The following MID1 variants were observed in gnomAD, a reference collection of about 807,000 sequenced individuals.
MID1 encodes midline 1.
In MID1, 7 loss-of-function variants were observed where a neutral mutation model predicts 40.4. The observed-to-expected ratio is 0.17, with a 90% CI of 0.10 to 0.33. MID1 has a LOEUF of 0.33. MID1 is among the 10% of genes least tolerant of loss of function. The pLI, the probability that MID1 is intolerant of heterozygous loss-of-function variation, is 1.00. For missense variants in MID1, 367 were observed against 558.5 expected (o/e 0.66, Z 3.46); for synonymous variants, 229 against 221.2 (o/e 1.04, Z -0.31).
At chrX:10,773,901 CA>C (rs1213078657) in intron 1 of MID1, among the ~76,000 whole-genome samples, 1 of 111,948 alleles carries the variant, frequency 8.9e-6, no homozygotes, top group Non-Finnish European at 1.9e-5. Flanking sequence ...TACAGAACTC[CA>C]AGAGTGATTA....
intron 9 of MID1, 61 bp from the exon 10 acceptor site, chrX:10,449,777 C>G: frequency 1.2e-6 from 1 of 833,912 alleles, no homozygotes; most frequent in Non-Finnish European, 1.8e-6. Context: ...CACGTTAAAT[C>G]CGTTCTGTGG....
At chrX:10,618,835 C>A (rs1200860568) in intron 1 of MID1, among the ~76,000 whole-genome samples, 1 of 111,761 alleles carries the variant, frequency 8.9e-6, no homozygotes, top group African/African-American at 3.3e-5. Context: ...TGCACAGGAT[C>A]AAATAACTTC....
chrX:10,827,587 C>T (rs750800260), intron 1 of MID1, among the ~76,000 whole-genome samples: 8 of 108,915 alleles, frequency 7.3e-5, no homozygotes, highest in Admixed American at 2.0e-4. Flanking sequence ...CCACCAAGCG[C>T]GCTGGTTCTT....
intron 1 of MID1, among the ~76,000 whole-genome samples, chrX:10,765,205 G>C (rs1157765183): frequency 3.6e-5 from 4 of 112,132 alleles, no homozygotes; most frequent in Non-Finnish European, 5.6e-5. Context: ...GGCTTGTGAA[G>C]ACCTCCATGA....
At chrX:10,621,865 T>C (rs1198625076), upstream of MID1, among the ~76,000 whole-genome samples, 1 of 106,564 alleles carries the variant, frequency 9.4e-6, no homozygotes, top group African/African-American at 3.4e-5. Context: ...TATTGACATT[T>C]TGGGCAGGAT....
chrX:10,553,417 T>C (rs1373736934), intron 2 of MID1, among the ~76,000 whole-genome samples: 1 of 111,434 alleles, frequency 9.0e-6, no homozygotes, highest in Non-Finnish European at 1.9e-5. Context: ...GAAAGAGGAA[T>C]GGATAACAGA....
chrX:10,500,410 C>T (rs985435215), intron 3 of MID1, among the ~76,000 whole-genome samples: 7 of 112,131 alleles, frequency 6.2e-5, no homozygotes, highest in Non-Finnish European at 1.3e-4. Flanking sequence ...ACAGATTTAG[C>T]TTTCCTTTTG....
At chrX:10,701,934 G>A (rs2043196308) in intron 1 of MID1, among the ~76,000 whole-genome samples, 2 of 112,649 alleles carry the variant, frequency 1.8e-5, no homozygotes, top group African/African-American at 6.5e-5. Context: ...TTGACCACAA[G>A]AAATATTCTG....
chrX:10,544,642 A>C (rs1237646859), intron 2 of MID1, among the ~76,000 whole-genome samples: 1 of 112,479 alleles, frequency 8.9e-6, no homozygotes, highest in Non-Finnish European at 1.9e-5. Flanking sequence ...TTTCACAAAC[A>C]GTATTAGGAC....
chrX:10,497,797 C>T (rs759077309), intron 3 of MID1, among the ~76,000 whole-genome samples: 67 of 112,239 alleles, frequency 6.0e-4, no homozygotes, highest in South Asian at 1.1e-3. Context: ...CTTGAGAATA[C>T]GAGTTAAATC....
chrX:10,689,082 A>C (rs2043116562), intron 1 of MID1, among the ~76,000 whole-genome samples: 1 of 110,076 alleles, frequency 9.1e-6, no homozygotes, highest in African/African-American at 3.3e-5. Flanking sequence ...TAATGACTTC[A>C]CTGAATTCTG....
chrX:10,627,315 A>G (rs1936005604), intron 1 of MID1, among the ~76,000 whole-genome samples: 2 of 111,545 alleles, frequency 1.8e-5, no homozygotes, highest in Admixed American at 9.5e-5. Context: ...CGTCATACAC[A>G]TATGACCTGA....
intron 1 of MID1, among the ~76,000 whole-genome samples, chrX:10,787,345 A>G (rs1018025873): frequency 2.8e-5 from 3 of 108,830 alleles, no homozygotes; most frequent in Non-Finnish European, 5.7e-5. Context: ...TGAGGGATCT[A>G]TTTTTTTTAA....
intron 1 of MID1, among the ~76,000 whole-genome samples, chrX:10,677,971 T>C (rs766919348): frequency 1.8e-5 from 2 of 110,758 alleles, no homozygotes; most frequent in South Asian, 7.8e-4. Context: ...TCCCCTTTGC[T>C]GGAGTAATGG....
chrX:10,503,179 G>T (rs1417794081), intron 3 of MID1, among the ~76,000 whole-genome samples: 1 of 111,802 alleles, frequency 8.9e-6, no homozygotes, highest in Non-Finnish European at 1.9e-5. Flanking sequence ...GCCAAAGACA[G>T]CTGTGATGAA....
chrX:10,676,752 G>C (rs1454034606), intron 1 of MID1, among the ~76,000 whole-genome samples: 3 of 111,479 alleles, frequency 2.7e-5, no homozygotes, highest in East Asian at 2.8e-4. Context: ...GGGTGGAAGG[G>C]GGGTGTTTGC....
At chrX:10,825,425 T>G (rs1391536880) in intron 1 of MID1, among the ~76,000 whole-genome samples, 1 of 112,033 alleles carries the variant, frequency 8.9e-6, no homozygotes, top group Non-Finnish European at 1.9e-5. Flanking sequence ...GGTAGTGGAA[T>G]TACACATGTC....
At chrX:10,792,902 A>T (rs1422000739) in intron 1 of MID1, among the ~76,000 whole-genome samples, 1 of 112,085 alleles carries the variant, frequency 8.9e-6, no homozygotes, top group East Asian at 2.8e-4. Flanking sequence ...GTTATATCTC[A>T]ATTAAAAAAA....
chrX:10,481,525 C>T (rs1416957727), intron 5 of MID1, among the ~76,000 whole-genome samples: 11 of 112,016 alleles, frequency 9.8e-5, no homozygotes, highest in Admixed American at 2.8e-4. Flanking sequence ...CTGCAACCTC[C>T]GCCTCCCAGG....
Sources: gnomAD v4.1 joint callset for allele counts (sites outside exome capture counted in the v4.1 genomes callset) on GRCh38, gnomAD v4.1.1 for gene constraint, MANE v1.5 for transcripts, NCBI Gene and HGNC (gene_info 2026-07-23, HGNC 2026-07-21) for gene names.